The following FNIP1 variants were observed in gnomAD, a reference collection of about 807,000 sequenced individuals.
FNIP1 encodes folliculin-interacting protein 1.
In FNIP1, 40 loss-of-function variants were observed where a neutral mutation model predicts 124.5. The ratio of observed to expected loss-of-function variants is 0.32; its 90% CI spans 0.25 to 0.42. FNIP1 has a LOEUF of 0.42. Among genes scored for constraint, FNIP1 ranks in the 10% least tolerant of loss-of-function variants. The pLI, the probability that FNIP1 is intolerant of heterozygous loss-of-function variation, is 1.00. For missense variants in FNIP1, 1,176 were observed against 1,403.7 expected (o/e 0.84, Z 2.59); for synonymous variants, 472 against 470.6 (o/e 1.00, Z -0.04).
intron 2 of FNIP1, among the ~76,000 whole-genome samples, chr5:131,734,165 CG>C (rs1452172698): frequency 1.3e-5 from 2 of 152,086 alleles, no homozygotes; most frequent in African/African-American, 4.8e-5. Flanking sequence ...TCTGCGGGAT[CG>C]GTGGTGATAT....
At chr5:131,739,531 T>C (rs1265568470) in intron 2 of FNIP1, among the ~76,000 whole-genome samples, 2 of 152,134 alleles carry the variant, frequency 1.3e-5, no homozygotes, top group Non-Finnish European at 2.9e-5. Context: ...ACACACTGTT[T>C]GGCCAGGCGT....
At chr5:131,795,358 T>C (rs1020395485) in intron 1 of FNIP1, among the ~76,000 whole-genome samples, 7 of 152,230 alleles carry the variant, frequency 4.6e-5, no homozygotes, top group Admixed American at 6.5e-5. Context: ...CTTTACATTT[T>C]TGAAAACCAG....
chr5:131,695,523 T>C (rs528833779), intron 11 of FNIP1, among the ~76,000 whole-genome samples: 1 of 152,232 alleles, frequency 6.6e-6, no homozygotes, highest in South Asian at 2.1e-4. Context: ...GACACAAACA[T>C]GGATAGTATC....
intron 1 of FNIP1, among the ~76,000 whole-genome samples, chr5:131,760,565 A>G (rs1771193148): frequency 6.6e-6 from 1 of 152,120 alleles, no homozygotes; most frequent in Non-Finnish European, 1.5e-5. Context: ...CTTACTATAG[A>G]GTATACTTAT....
chr5:131,794,289 TAATTAAAAAAGAACAAA>T (rs1444637127), intron 1 of FNIP1, among the ~76,000 whole-genome samples: 2 of 150,728 alleles, frequency 1.3e-5, no homozygotes, highest in Non-Finnish European at 3.0e-5. Context: ...TAAAAATTTT[TAATTAAAAAAGAACAAA>T]AATAACAATA....
intron 15 of FNIP1, among the ~76,000 whole-genome samples, chr5:131,659,456 A>G (rs551127060): frequency 2.0e-5 from 3 of 152,310 alleles, no homozygotes; most frequent in Admixed American, 2.0e-4. Flanking sequence ...CTCAAAGTCC[A>G]GGGTGACATA....
At chr5:131,744,893 T>C (rs1158072525) in intron 1 of FNIP1, among the ~76,000 whole-genome samples, 1 of 151,524 alleles carries the variant, frequency 6.6e-6, no homozygotes, top group Non-Finnish European at 1.5e-5. Flanking sequence ...ATTATCTTTA[T>C]TTAAAAATAA....
intron 17 of FNIP1, 75 bp from the exon 18 acceptor site, chr5:131,644,838 C>G: frequency 7.1e-7 from 1 of 1,406,828 alleles, no homozygotes; most frequent in Non-Finnish European, 1.0e-6. Context: ...CAATGACCAC[C>G]AACTGTAAGG....
intron 13 of FNIP1, among the ~76,000 whole-genome samples, chr5:131,673,244 C>CAA (rs1767821674): frequency 6.7e-6 from 1 of 148,436 alleles, no homozygotes; most frequent in Non-Finnish European, 1.5e-5. Context: ...TTTGTAGAGA[C>CAA]AGAGTTTTGC....
At chr5:131,782,911 C>A (rs1418833378) in intron 1 of FNIP1, among the ~76,000 whole-genome samples, 1 of 152,256 alleles carries the variant, frequency 6.6e-6, no homozygotes, top group African/African-American at 2.4e-5. Flanking sequence ...GATCCGTCCG[C>A]CTCGGCCTCC....
chr5:131,693,456 C>T (rs533868620), intron 11 of FNIP1, among the ~76,000 whole-genome samples: 19 of 149,314 alleles, frequency 1.3e-4, no homozygotes, highest in Admixed American at 8.7e-4. Flanking sequence ...TCTTTGACAA[C>T]GGAGCAAAGG....
At chr5:131,740,756 T>G (rs1770485593) in intron 2 of FNIP1, among the ~76,000 whole-genome samples, 2 of 152,202 alleles carry the variant, frequency 1.3e-5, no homozygotes, top group African/African-American at 4.8e-5. Flanking sequence ...CATTCCCAGA[T>G]GGTTAAAGCA....
At chr5:131,760,943 T>G (rs1449408894) in intron 1 of FNIP1, among the ~76,000 whole-genome samples, 1 of 151,940 alleles carries the variant, frequency 6.6e-6, no homozygotes, top group Non-Finnish European at 1.5e-5. Flanking sequence ...AGAAGTATGC[T>G]AAATTACGCG....
At chr5:131,674,076 A>G (rs1028989979) in intron 13 of FNIP1, among the ~76,000 whole-genome samples, 1 of 151,956 alleles carries the variant, frequency 6.6e-6, no homozygotes, top group Non-Finnish European at 1.5e-5. Flanking sequence ...GAAATAAAAT[A>G]AAAAAGTAAG....
intron 1 of FNIP1, among the ~76,000 whole-genome samples, chr5:131,767,427 CAAAAAAAAAAAAAAAAA>C (rs139550903): frequency 9.4e-5 from 6 of 63,994 alleles, no homozygotes; most frequent in African/African-American, 1.5e-4. Context: ...GATTCTGTCT[CAAAAAAAAAAAAAAAAA>C]AAAAAAAAAA....
intron 8 of FNIP1, 81 bp from the exon 9 acceptor site, chr5:131,706,627 T>A: frequency 7.5e-7 from 1 of 1,325,034 alleles, no homozygotes. Context: ...AAATTACAAA[T>A]AGGTTAAGTT....
At chr5:131,645,553 G>C (rs1424542816) in intron 17 of FNIP1, among the ~76,000 whole-genome samples, 1 of 152,164 alleles carries the variant, frequency 6.6e-6, no homozygotes, top group African/African-American at 2.4e-5. Flanking sequence ...GATCAAATCT[G>C]GTAATAGCCA....
In FNIP1 at chr5:131,651,914, T is replaced by C; in HGVS notation, c.3194A>G (p.Gln1065Arg). Residue 1065 changes from glutamine (Q) to arginine (R), a missense_variant, in exon 16 of 18, where the codon CAG (glutamine) becomes CGG (arginine). By Grantham distance (43) the Gln-to-Arg change is conservative (BLOSUM62 1). Transcript: ENST00000510461. ...CAATTTATTATCTGTCACTCGTCTC[T>C]GGCTACTGGCCACTTGAACAGTCCA... The part of the protein sequence containing the change: ...DKWTVQVASS[Q>R]RRVTDNKLGK... 6.2e-7 allele frequency: 1 copy of C among 1,614,216 alleles called. No individual in the cohort carries two copies. The highest frequency in any genetic ancestry group is 8.5e-7 in the Non-Finnish European group (1 of 1,180,044).
At chr5:131,656,740 G>A (rs1367023071) in intron 15 of FNIP1, among the ~76,000 whole-genome samples, 1 of 152,024 alleles carries the variant, frequency 6.6e-6, no homozygotes, top group African/African-American at 2.4e-5. Context: ...TTTTATTGCT[G>A]ATGAAAGAAT....
Sources: allele counts gnomAD v4.1 joint callset (sites outside exome capture counted in the v4.1 genomes callset), GRCh38; gene constraint gnomAD v4.1.1; transcripts MANE v1.5; gene names NCBI Gene and HGNC (gene_info 2026-07-23, HGNC 2026-07-21).